AP1G1: variants seen among roughly 807,000 people sequenced by gnomAD.
The protein encoded by AP1G1 is AP-1 complex subunit gamma-1.
Under a neutral mutation model 108.3 loss-of-function variants are expected in AP1G1, and 7 were observed. The observed-to-expected ratio is 0.06, with a 90% CI of 0.04 to 0.12. The LOEUF is 0.12. Among genes scored for constraint, AP1G1 ranks in the 10% least tolerant of loss-of-function variants. The pLI, the probability that AP1G1 is intolerant of heterozygous loss-of-function variation, is 1.00. For missense variants in AP1G1, 756 were observed against 1,010.7 expected (o/e 0.75, Z 3.42); for synonymous variants, 379 against 353.5 (o/e 1.07, Z -0.81).
intron 3 of AP1G1, 28 bp from the exon 4 acceptor site, chr16:71,773,390 C>T (rs746124987): frequency 6.8e-7 from 1 of 1,481,166 alleles, no homozygotes; most frequent in Non-Finnish European, 8.9e-7. Flanking sequence ...AAGGTAGGAA[C>T]AAGCCTGGTG....
At chr16:71,734,372 C>G (rs554295126) in intron 22 of AP1G1, among the ~76,000 whole-genome samples, 1 of 152,234 alleles carries the variant, frequency 6.6e-6, no homozygotes, top group Non-Finnish European at 1.5e-5. Context: ...CCCCCAAAAA[C>G]CAGACCTTTA....
intron 16 of AP1G1, 73 bp downstream of exon 16, chr16:71,748,178 C>G: frequency 1.3e-6 from 2 of 1,518,562 alleles, no homozygotes; most frequent in Non-Finnish European, 1.8e-6. Flanking sequence ...TCCATGATAA[C>G]AAGTTTTTTG....
chr16:71,790,824 C>A (rs1267612019), intron 1 of AP1G1, among the ~76,000 whole-genome samples: 10 of 152,166 alleles, frequency 6.6e-5, no homozygotes, highest in Admixed American at 6.5e-4. Context: ...ACAGGTTAAA[C>A]AGAGAGACTT....
At chr16:71,737,101 AT>A (rs1007682507) in intron 21 of AP1G1, among the ~76,000 whole-genome samples, 2 of 152,118 alleles carry the variant, frequency 1.3e-5, no homozygotes, top group African/African-American at 2.4e-5. Flanking sequence ...CAAAAAACTT[AT>A]TTATTCCTTT....
At chr16:71,740,009 C>T (rs1218311001) in intron 19 of AP1G1, among the ~76,000 whole-genome samples, 1 of 152,150 alleles carries the variant, frequency 6.6e-6, no homozygotes, top group Non-Finnish European at 1.5e-5. Flanking sequence ...TGAGATACTA[C>T]CTCATGTCTA....
At chr16:71,805,992 G>A (rs970320603) in intron 1 of AP1G1, among the ~76,000 whole-genome samples, 5 of 151,368 alleles carry the variant, frequency 3.3e-5, no homozygotes, top group Admixed American at 1.3e-4. Flanking sequence ...CTCCAGCCTG[G>A]GCAACAGAGT....
intron 1 of AP1G1, among the ~76,000 whole-genome samples, chr16:71,790,444 T>C (rs2032357461): frequency 6.6e-6 from 1 of 151,582 alleles, no homozygotes; most frequent in African/African-American, 2.4e-5. Context: ...GGAGAATTGC[T>C]TGAACCCAGG....
Position 71,729,548 on chromosome 16 carries a change from T to C in AP1G1, c.*3510A>G, listed in dbSNP as rs1025167021. 1.3e-5 allele frequency: 2 copies of C among 152,558 alleles called. No individual in the cohort carries two copies. Among genetic ancestry groups the C allele is most frequent in the Non-Finnish European group, 2.9e-5 (2 of 68,036 alleles). 9.5% of individuals were successfully genotyped at this position (152,558 alleles called of 1,614,324 possible). Reference sequence around the variant, plus strand: ...TTCGGCATTTCCTTCTGTTAAAGTGTTCCAGGTCCTGGAACCCTGTCGATG... The same window carrying C: ...TTCGGCATTTCCTTCTGTTAAAGTGCTCCAGGTCCTGGAACCCTGTCGATG... On this transcript the variant is annotated 3_prime_UTR_variant, in exon 23 of 23. Coordinates refer to ENST00000299980, the MANE Select transcript of AP1G1 (RefSeq NM_001128.6).
At chr16:71,741,684 T>C (rs976622193) in intron 19 of AP1G1, among the ~76,000 whole-genome samples, 34 of 152,144 alleles carry the variant, frequency 2.2e-4, no homozygotes, top group Non-Finnish European at 4.6e-4. Context: ...CAAACACCAT[T>C]TGTGCAGTCC....
At chr16:71,746,270 A>G (rs918552009) in intron 17 of AP1G1, among the ~76,000 whole-genome samples, 3 of 152,198 alleles carry the variant, frequency 2.0e-5, no homozygotes, top group Non-Finnish European at 4.4e-5. Flanking sequence ...TCGGCCTCCC[A>G]AAGTGCTGGG....
At chr16:71,753,722 T>C in intron 13 of AP1G1, 111 bp downstream of exon 13, 1 of 899,594 alleles carries the variant, frequency 1.1e-6, no homozygotes, top group Non-Finnish European at 1.8e-6. Context: ...CTGACATTAA[T>C]GTTACCTATT....
intron 2 of AP1G1, among the ~76,000 whole-genome samples, chr16:71,779,701 C>T (rs561705571): frequency 2.6e-4 from 40 of 152,226 alleles, no homozygotes; most frequent in South Asian, 8.3e-4. Context: ...AGAGAATTTT[C>T]CATGTTTCTG....
Position 71,797,656 on chromosome 16 carries a change from G to A in AP1G1, c.-3-8174C>T, listed in dbSNP as rs149146598. On this transcript the variant is annotated intron_variant, in intron 1 of 22. Coordinates refer to ENST00000299980, the MANE Select transcript of AP1G1 (RefSeq NM_001128.6). ...TCTACTAAAAATACAAAAATTAGCC[G>A]GGCGCAGTGGTGCACGCCTGTGACC... Among the ~76,000 whole-genome samples the A allele has an allele frequency of 7.1e-3, 1,074 of 152,116 alleles. 24 individuals carry two copies. The highest frequency in any genetic ancestry group is 0.025 in the African/African-American group (1,019 of 41,510).
intron 4 of AP1G1, among the ~76,000 whole-genome samples, chr16:71,772,238 C>T (rs2031604328): frequency 6.6e-6 from 1 of 151,798 alleles, no homozygotes; most frequent in Non-Finnish European, 1.5e-5. Context: ...TCACATCATT[C>T]TCCTGCCTCA....
At chr16:71,803,395 T>A (rs2032877942) in intron 1 of AP1G1, among the ~76,000 whole-genome samples, 1 of 152,066 alleles carries the variant, frequency 6.6e-6, no homozygotes, top group South Asian at 2.1e-4. Flanking sequence ...TTTTTTAAAG[T>A]AAAATTTCCA....
chr16:71,763,517 ATATTTT>A (rs1251840979), intron 9 of AP1G1, among the ~76,000 whole-genome samples: 1 of 152,226 alleles, frequency 6.6e-6, no homozygotes, highest in Non-Finnish European at 1.5e-5. Context: ...TATGTTATAT[ATATTTT>A]ATCACAATTA....
chr16:71,765,462 T>C, intron 7 of AP1G1, 27 bp downstream of exon 7: 2 of 1,501,666 alleles, frequency 1.3e-6, no homozygotes, highest in Non-Finnish European at 1.8e-6. Context: ...CATATAACAT[T>C]TATTTAAAAC....
rs1055705593 is a variant in AP1G1 at position 71,774,415 on chromosome 16, A to G, written c.326+53T>C. 15 of 1,570,384 alleles carry G rather than the reference A, an allele frequency of 9.6e-6. No individual in the cohort carries two copies. The East Asian group carries it at 3.4e-4, about 36-fold the overall frequency. ...CAAGACTCCGTCTCAAAGAAAATAC[A>G]AAAAAGAACAAAGTAGTTAACAGTT... is the stretch of plus-strand genomic sequence containing the variant. On this transcript the variant is annotated intron_variant, in intron 3 of 22. Coordinates refer to ENST00000299980, the MANE Select transcript of AP1G1 (RefSeq NM_001128.6).
At chr16:71,778,003 G>A (rs1361800321) in intron 2 of AP1G1, among the ~76,000 whole-genome samples, 1 of 152,192 alleles carries the variant, frequency 6.6e-6, no homozygotes, top group Non-Finnish European at 1.5e-5. Context: ...AGTCACCAGT[G>A]ACTGACGAAT....
Sources: allele counts gnomAD v4.1 joint callset (sites outside exome capture counted in the v4.1 genomes callset), GRCh38; gene constraint gnomAD v4.1.1; transcripts MANE v1.5; gene names NCBI Gene and HGNC (gene_info 2026-07-23, HGNC 2026-07-21).